DLGAP4: variants seen among roughly 807,000 people sequenced by gnomAD.
DLGAP4 encodes the protein DLG associated protein 4.
Under a neutral mutation model 86.9 loss-of-function variants are expected in DLGAP4, and 18 were observed. The observed-to-expected ratio is 0.21, with a 90% CI of 0.14 to 0.31. DLGAP4 has a LOEUF of 0.31. Ranked by LOEUF, DLGAP4 falls within the 10% of genes least tolerant of loss-of-function variation. DLGAP4 has a pLI of 1.00. For synonymous variants in DLGAP4, 548 were observed against 574.3 expected (o/e 0.95, Z 0.65); for missense variants, 1,085 against 1,362.6 (o/e 0.80, Z 3.21).
intron 9 of DLGAP4, 69 bp downstream of exon 9, chr20:36,499,745 C>A: frequency 2.9e-6 from 4 of 1,397,826 alleles, no homozygotes; most frequent in Non-Finnish European, 4.0e-6. Flanking sequence ...ACCTCTCCTG[C>A]TCTCCCTAAC....
intron 6 of DLGAP4, among the ~76,000 whole-genome samples, chr20:36,443,224 G>T (rs2033498890): frequency 6.6e-6 from 1 of 152,170 alleles, no homozygotes; most frequent in African/African-American, 2.4e-5. Context: ...AGATGTTGGG[G>T]TGTTGGAGTG....
intron 7 of DLGAP4, among the ~76,000 whole-genome samples, chr20:36,482,164 G>A (rs1456579185): frequency 2.0e-5 from 3 of 152,134 alleles, no homozygotes; most frequent in Admixed American, 6.5e-5. Context: ...CCTGTCACCT[G>A]ATATGCCACC....
chr20:36,513,284 C>T (rs1244916219), intron 10 of DLGAP4, among the ~76,000 whole-genome samples: 1 of 150,930 alleles, frequency 6.6e-6, no homozygotes, highest in African/African-American at 2.4e-5. Context: ...CGCGGTGGCT[C>T]ACGCCTGTAA....
At chr20:36,456,520 C>T (rs930486493) in intron 7 of DLGAP4, among the ~76,000 whole-genome samples, 1 of 152,124 alleles carries the variant, frequency 6.6e-6, no homozygotes, top group African/African-American at 2.4e-5. Context: ...ATGGGAGGAC[C>T]CAGGAGGCCT....
chr20:36,384,801 C>T (rs1429820172), intron 2 of DLGAP4, among the ~76,000 whole-genome samples: 4 of 152,148 alleles, frequency 2.6e-5, no homozygotes, highest in African/African-American at 9.7e-5. Context: ...GTGTAAGGCT[C>T]AGAGATTGTG....
At chr20:36,460,699 G>T (rs2034003259) in intron 7 of DLGAP4, among the ~76,000 whole-genome samples, 1 of 152,218 alleles carries the variant, frequency 6.6e-6, no homozygotes, top group Non-Finnish European at 1.5e-5. Context: ...GAGGAGAGGG[G>T]ACTCGCGGGG....
intron 10 of DLGAP4, among the ~76,000 whole-genome samples, chr20:36,507,119 C>A (rs2036419648): frequency 6.6e-6 from 1 of 152,096 alleles, no homozygotes; most frequent in African/African-American, 2.4e-5. Context: ...TGTTTCCTGT[C>A]TCTTAAGAAT....
At chr20:36,322,194 A>C (rs1555890602) in intron 1 of DLGAP4, among the ~76,000 whole-genome samples, 1 of 152,182 alleles carries the variant, frequency 6.6e-6, no homozygotes, top group Non-Finnish European at 1.5e-5. Flanking sequence ...GCAGAAGAAA[A>C]CATTCCAGCA....
chr20:36,488,847 C>T (rs1245614695), intron 7 of DLGAP4, among the ~76,000 whole-genome samples: 1 of 152,252 alleles, frequency 6.6e-6, no homozygotes, highest in Non-Finnish European at 1.5e-5. Flanking sequence ...GCTGGGATTA[C>T]AGGCGTGAGC....
chr20:36,488,020 T>C (rs1204360091), intron 7 of DLGAP4, among the ~76,000 whole-genome samples: 1 of 151,476 alleles, frequency 6.6e-6, no homozygotes, highest in East Asian at 1.9e-4. Flanking sequence ...GCCAACATGG[T>C]GAAACCCCGT....
chr20:36,323,617 G>A (rs1457628287), intron 1 of DLGAP4, among the ~76,000 whole-genome samples: 2 of 152,168 alleles, frequency 1.3e-5, no homozygotes, highest in East Asian at 1.9e-4. Flanking sequence ...GTTATATACC[G>A]AGTGGAGTTT....
chr20:36,370,019 G>T (rs1366932287), intron 2 of DLGAP4, among the ~76,000 whole-genome samples: 5 of 152,170 alleles, frequency 3.3e-5, no homozygotes, highest in African/African-American at 4.8e-5. Context: ...TAAGCCTCAT[G>T]TGCAAGGATC....
intron 1 of DLGAP4, among the ~76,000 whole-genome samples, chr20:36,325,875 G>T (rs1216507251): frequency 6.6e-6 from 1 of 151,822 alleles, no homozygotes; most frequent in African/African-American, 2.4e-5. Flanking sequence ...GCACCACCAT[G>T]CCTGGCTGAT....
intron 1 of DLGAP4, among the ~76,000 whole-genome samples, chr20:36,362,491 G>A (rs1461440226): frequency 6.6e-6 from 1 of 152,164 alleles, no homozygotes; most frequent in African/African-American, 2.4e-5. Flanking sequence ...AGCTGCTGTA[G>A]GAATTTGGAG....
intron 10 of DLGAP4, among the ~76,000 whole-genome samples, chr20:36,521,396 C>T (rs1283348769): frequency 6.6e-6 from 1 of 152,074 alleles, no homozygotes; most frequent in Non-Finnish European, 1.5e-5. Flanking sequence ...ACTTCTGTTT[C>T]TAAAAAGATA....
At chr20:36,451,803 C>G (rs2033743872) in intron 7 of DLGAP4, among the ~76,000 whole-genome samples, 1 of 150,854 alleles carries the variant, frequency 6.6e-6, no homozygotes, top group African/African-American at 2.4e-5. Context: ...TCTTGTTGCC[C>G]AGGCTGGAGT....
intron 1 of DLGAP4, among the ~76,000 whole-genome samples, chr20:36,325,176 T>C (rs1324170734): frequency 5.3e-5 from 8 of 152,196 alleles, no homozygotes; most frequent in Non-Finnish European, 1.2e-4. Flanking sequence ...ATTCAGTTCA[T>C]AGTACTTTCT....
At chr20:36,484,805 T>C (rs1011817262) in intron 7 of DLGAP4, among the ~76,000 whole-genome samples, 70 of 152,240 alleles carry the variant, frequency 4.6e-4, no homozygotes, top group African/African-American at 1.7e-3. Context: ...GCTGCGGCAG[T>C]GATAGACTCG....
At chr20:36,521,256 CA>C (rs2147855352) in intron 10 of DLGAP4, among the ~76,000 whole-genome samples, 1 of 152,336 alleles carries the variant, frequency 6.6e-6, no homozygotes, top group African/African-American at 2.4e-5. Flanking sequence ...CCTCCACGTT[CA>C]TAACCATGAT....
Sources: allele counts gnomAD v4.1 joint callset (sites outside exome capture counted in the v4.1 genomes callset), GRCh38; gene constraint gnomAD v4.1.1; transcripts MANE v1.5; gene names NCBI Gene and HGNC (gene_info 2026-07-23, HGNC 2026-07-21).